C8orf34: variants seen among roughly 807,000 people sequenced by gnomAD.
C8orf34 encodes chromosome 8 open reading frame 34.
In C8orf34, 65 loss-of-function variants were observed where a neutral mutation model predicts 68.3. The observed-to-expected ratio is 0.95, with a 90% CI of 0.78 to 1.17. C8orf34 has a LOEUF of 1.17. Among genes scored for constraint, C8orf34 ranks in the 50% most tolerant of loss-of-function variants. C8orf34 has a pLI of 0.00. For missense variants in C8orf34, 664 were observed against 655.4 expected (o/e 1.01, Z -0.14); for synonymous variants, 244 against 241.2 (o/e 1.01, Z -0.11).
chr8:68,687,552 C>G (rs1820558055), intron 8 of C8orf34, among the ~76,000 whole-genome samples: 1 of 151,978 alleles, frequency 6.6e-6, no homozygotes, highest in Non-Finnish European at 1.5e-5. Flanking sequence ...GGAAAACTGG[C>G]AAGCCACGTG....
intron 8 of C8orf34, among the ~76,000 whole-genome samples, chr8:68,657,562 A>G (rs1246841053): frequency 2.6e-5 from 4 of 152,240 alleles, no homozygotes; most frequent in Non-Finnish European, 5.9e-5. Context: ...ATTTTGTTAT[A>G]GGGCAGCCTG....
intron 5 of C8orf34, among the ~76,000 whole-genome samples, chr8:68,520,284 T>G (rs1563503143): frequency 6.6e-6 from 1 of 152,236 alleles, no homozygotes; most frequent in Non-Finnish European, 1.5e-5. Context: ...AAATATGTTC[T>G]AAATCATATT....
chr8:68,711,286 G>A (rs750167660), intron 9 of C8orf34, among the ~76,000 whole-genome samples: 32 of 152,020 alleles, frequency 2.1e-4, no homozygotes, highest in African/African-American at 6.3e-4. Context: ...AAGATCATAC[G>A]AGCTCACAAG....
At chr8:68,467,479 G>A (rs1196347098) in intron 3 of C8orf34, among the ~76,000 whole-genome samples, 1 of 151,698 alleles carries the variant, frequency 6.6e-6, no homozygotes, top group African/African-American at 2.4e-5. Context: ...CTCTTCTGTA[G>A]CCCTCTGTCC....
intron 5 of C8orf34, among the ~76,000 whole-genome samples, chr8:68,520,473 C>T (rs535540383): frequency 3.0e-4 from 46 of 152,152 alleles, no homozygotes; most frequent in Admixed American, 1.8e-3. Context: ...ATTTTTAAGA[C>T]GCAGTCTTGC....
chr8:68,397,569 A>G (rs1277974465), intron 1 of C8orf34, among the ~76,000 whole-genome samples: 1 of 152,160 alleles, frequency 6.6e-6, no homozygotes, highest in Non-Finnish European at 1.5e-5. Context: ...ATAATAATTT[A>G]TTCAGCCAAA....
At position 68,651,887 on chromosome 8, in the gene C8orf34, C is replaced by T. The variant is rs146004041; in HGVS notation, c.1241+11376C>T. ...CCTATGTAACAAACCTGTACATGTA[C>T]CCCTGAATCTAAAATAAAATAAAAT... is the stretch of plus-strand genomic sequence containing the variant. On this transcript the variant is annotated intron_variant, in intron 8 of 13. Coordinates refer to ENST00000518698, the MANE Select transcript of C8orf34 (RefSeq NM_052958.4). Among the ~76,000 whole-genome samples the T allele has an allele frequency of 4.4e-3, 666 of 152,202 alleles. 5 individuals are homozygous for T. The highest frequency in any genetic ancestry group is 0.017 in the East Asian group (86 of 5,180).
intron 1 of C8orf34, among the ~76,000 whole-genome samples, chr8:68,430,539 G>T (rs939506955): frequency 6.6e-6 from 1 of 152,152 alleles, no homozygotes; most frequent in African/African-American, 2.4e-5. Flanking sequence ...TAATTTGCAG[G>T]ATTTGATGCC....
intron 1 of C8orf34, among the ~76,000 whole-genome samples, chr8:68,391,049 A>T (rs144851553): frequency 6.6e-6 from 1 of 152,172 alleles, no homozygotes; most frequent in African/African-American, 2.4e-5. Context: ...TGTCTTTAGC[A>T]ACACATAGAT....
intron 1 of C8orf34, among the ~76,000 whole-genome samples, chr8:68,391,172 G>A (rs1808465147): frequency 6.6e-6 from 1 of 152,086 alleles, no homozygotes; most frequent in South Asian, 2.1e-4. Context: ...TCCATGAGTA[G>A]TAAGTAGATG....
intron 3 of C8orf34, among the ~76,000 whole-genome samples, chr8:68,451,699 A>G (rs192643745): frequency 1.7e-3 from 253 of 152,194 alleles, no homozygotes; most frequent in African/African-American, 5.5e-3. Flanking sequence ...TTACAATAGT[A>G]ATATCAAAGA....
intron 1 of C8orf34, among the ~76,000 whole-genome samples, chr8:68,426,874 A>AAAAACC (rs1554546993): frequency 6.6e-6 from 1 of 150,958 alleles, no homozygotes; most frequent in African/African-American, 2.5e-5. Flanking sequence ...CGTCTAAAAA[A>AAAAACC]AAACCAAACC....
At chr8:68,473,255 G>A (rs544425773) in intron 4 of C8orf34, among the ~76,000 whole-genome samples, 1 of 152,184 alleles carries the variant, frequency 6.6e-6, no homozygotes, top group East Asian at 1.9e-4. Context: ...GCCCACTGCC[G>A]AGTGCATCAG....
chr8:68,692,732 G>A (rs1940458839), intron 8 of C8orf34, among the ~76,000 whole-genome samples: 1 of 152,016 alleles, frequency 6.6e-6, no homozygotes, highest in South Asian at 2.1e-4. Context: ...AAGGAAGGCA[G>A]GATACCTTTT....
intron 1 of C8orf34, among the ~76,000 whole-genome samples, chr8:68,353,525 G>T (rs942326054): frequency 2.1e-4 from 31 of 149,500 alleles, no homozygotes; most frequent in African/African-American, 6.6e-4. Flanking sequence ...TATGTGTATT[G>T]TATGCTTATG....
At chr8:68,388,604 A>T (rs1211545242) in intron 1 of C8orf34, among the ~76,000 whole-genome samples, 3 of 152,112 alleles carry the variant, frequency 2.0e-5, no homozygotes, top group Non-Finnish European at 4.4e-5. Flanking sequence ...ATATGGCATC[A>T]TGATACTCAT....
chr8:68,541,308 T>TA (rs989571770), intron 7 of C8orf34, among the ~76,000 whole-genome samples: 5 of 151,532 alleles, frequency 3.3e-5, no homozygotes, highest in Non-Finnish European at 5.9e-5. Flanking sequence ...ATTAAAAATT[T>TA]AAAAAAAATT....
chr8:68,382,623 C>G (rs577278490), intron 1 of C8orf34, among the ~76,000 whole-genome samples: 1 of 152,152 alleles, frequency 6.6e-6, no homozygotes, highest in Non-Finnish European at 1.5e-5. Flanking sequence ...GCTGCCATCC[C>G]TTGGCCCCTG....
intron 12 of C8orf34, among the ~76,000 whole-genome samples, chr8:68,804,421 AT>A (rs1824423672): frequency 6.6e-6 from 1 of 152,196 alleles, no homozygotes; most frequent in Non-Finnish European, 1.5e-5. Context: ...GAAATATAAT[AT>A]TATTTTCATC....
Sources: gnomAD v4.1 joint callset for allele counts (sites outside exome capture counted in the v4.1 genomes callset) on GRCh38, gnomAD v4.1.1 for gene constraint, MANE v1.5 for transcripts, NCBI Gene and HGNC (gene_info 2026-07-23, HGNC 2026-07-21) for gene names.